The following EPOR variants were observed in gnomAD, a reference collection of about 807,000 sequenced individuals.
EPOR encodes erythropoietin receptor.
A neutral mutation model predicts 34.3 loss-of-function variants in EPOR; 20 were observed. The observed-to-expected ratio is 0.58, with a 90% CI of 0.41 to 0.85. EPOR has a LOEUF of 0.85. Ranked by LOEUF, EPOR falls within the 40% of genes least tolerant of loss-of-function variation. EPOR has a pLI of 0.00. For synonymous variants in EPOR, 312 were observed against 299.0 expected, an observed-to-expected ratio of 1.04 and a Z score of -0.45; for missense variants, 601 against 672.7, an observed-to-expected ratio of 0.89 and a Z score of 1.18.
rs758694779 is a variant in EPOR, at chr19:11,383,243, G to C, written c.116-11C>G. 3 of 1,586,536 alleles carry C rather than the reference G, an allele frequency of 1.9e-6. No individual in the cohort carries two copies. The East Asian group carries it at 6.7e-5, about 36-fold the overall frequency. On this transcript the variant is annotated splice_polypyrimidine_tract_variant and intron_variant, in intron 1 of 7. Coordinates refer to ENST00000222139, the MANE Select transcript of EPOR (RefSeq NM_000121.4). This position sits in a 1 kb window ranked among gnomAD's most constrained non-coding sequence, Gnocchi z 4.9. ...CCGCCAGCAAGGCCGCTGGGGAGGG[G>C]CGACAAAGGAAGGGCATGGGGGTCT...
Position 11,381,782 on chromosome 19 carries a change from G to T in EPOR, c.495C>A (p.Arg165=). The part of the protein sequence containing the change: ...LADESGHVVL[R]WLPPPETPMT... ...TGGGTGTCTCAGGCGGCGGGAGCCA[G>T]CGCAACACTACGTGGCCGCTCTCGT... Residue 165 remains arginine, a synonymous_variant, in exon 4 of 8, where the codon CGC becomes CGA. Coordinates refer to ENST00000222139, the MANE Select transcript of EPOR (RefSeq NM_000121.4). The surrounding 1 kb of genome is among the most constrained non-coding windows in gnomAD (Gnocchi z 5.3). 6.2e-7 allele frequency: 1 copy of T among 1,613,628 alleles called. No homozygotes were observed. The highest frequency in any genetic ancestry group is 8.5e-7 in the Non-Finnish European group (1 of 1,179,816).
Position 11,382,120 on chromosome 19 carries a change from A to G in EPOR, c.252-15T>C, listed in dbSNP as rs1968371192. 1 of 1,611,132 alleles carries G rather than the reference A, an allele frequency of 6.2e-7. No homozygotes were observed. Among genetic ancestry groups the G allele is most frequent in the Admixed American group, 1.7e-5 (1 of 59,904 alleles). Reference sequence around the variant, plus strand: ...ATGGCTCATCCCTATGCGCCCAGGGAAGGGAGCAGGTTGGGAGGGGGGACC... The same window carrying G: ...ATGGCTCATCCCTATGCGCCCAGGGGAGGGAGCAGGTTGGGAGGGGGGACC... On this transcript the variant is annotated splice_polypyrimidine_tract_variant and intron_variant, in intron 2 of 7. Coordinates refer to ENST00000222139, the MANE Select transcript of EPOR (RefSeq NM_000121.4).
Position 11,382,072 on chromosome 19 carries a change from C to T in EPOR, c.285G>A (p.Gln95=), listed in dbSNP as rs1178161521. The T allele has an allele frequency of 1.9e-6, 3 of 1,613,962 alleles. No homozygotes were observed. Among genetic ancestry groups the T allele is most frequent in the African/African-American group, 2.7e-5 (2 of 74,940 alleles). ...DEPWKLCRLH[Q]APTARGAVRF... ...GCACCGCACCACGAGCCGTGGGAGC[C>T]TGGTGCAGGCGACACAGCTTCCATG... The change falls in exon 3 of 8, where the codon CAG becomes CAA. Residue 95 remains glutamine (Q), a synonymous_variant. Coordinates refer to ENST00000222139, the MANE Select transcript of EPOR (RefSeq NM_000121.4).
rs955624610 is a variant in EPOR at position 11,381,836 on chromosome 19, G to A, written c.441C>T (p.Ala147=). 22 of 1,613,954 alleles carry A rather than the reference G, an allele frequency of 1.4e-5. No individual in the cohort carries two copies. The highest frequency in any genetic ancestry group is 1.8e-5 in the Non-Finnish European group (21 of 1,179,970). ...CCAACCGCGCCACCAGCCCCACGGG[G>A]GCGTCTAGGAGCACTGCAGGCATGG... is the stretch of plus-strand genomic sequence containing the variant. ...IHINEVVLLD[A]PVGLVARLAD... Residue 147 remains alanine (A), a synonymous_variant, in exon 4 of 8, where the codon GCC becomes GCT. Transcript: ENST00000222139. This position sits in a 1 kb window ranked among gnomAD's most constrained non-coding sequence, Gnocchi z 5.3.
chr19:11,381,183 C>T lies in EPOR; in HGVS notation c.612G>A (p.Glu204=), dbSNP rs1968351567. The change falls in exon 5 of 8, where the codon GAG becomes GAA. Residue 204 remains glutamate (E), a synonymous_variant. Transcript: ENST00000222139. This position sits in a 1 kb window ranked among gnomAD's most constrained non-coding sequence, Gnocchi z 5.3. ...GGCCCCGCAGGTTGCTCAGCACACA[C>T]TCGGTGCGGCCCTCCAGGATCTCCA... ...QRVEILEGRT[E]CVLSNLRGRT... The T allele has an allele frequency of 6.4e-7, 1 of 1,550,438 alleles. No homozygotes were observed.
Position 11,381,495 on chromosome 19 carries a change from T to A in EPOR, c.585+197A>T, listed in dbSNP as rs533281275. ...GGTTACGGGCCGGAGGGAGAAGAAG[T>A]TGGGGTTCAACAGGCTTGCGAGGAC... On this transcript the variant is annotated intron_variant, in intron 4 of 7. Coordinates refer to ENST00000222139, the MANE Select transcript of EPOR (RefSeq NM_000121.4). The surrounding 1 kb of genome is among the most constrained non-coding windows in gnomAD (Gnocchi z 5.3). 1.6e-3 allele frequency among the ~76,000 whole-genome samples: 247 copies of A among 151,346 alleles called. No individual in the cohort carries two copies. The highest frequency in any genetic ancestry group is 3.4e-3 in the Middle Eastern group (1 of 292).
In EPOR at chr19:11,381,200, G is replaced by A. The variant is rs369327794; in HGVS notation, c.595C>T (p.Leu199=). ...AGCACACACTCGGTGCGGCCCTCCA[G>A]GATCTCCACCTGGGGGCGGAATCAG... ...GAGSVQRVEI[L]EGRTECVLSN... Residue 199 remains leucine (L), a synonymous_variant, in exon 5 of 8, where the codon CTG becomes TTG. Coordinates refer to ENST00000222139, the MANE Select transcript of EPOR (RefSeq NM_000121.4). The surrounding 1 kb of genome is among the most constrained non-coding windows in gnomAD (Gnocchi z 5.3). 90 of 1,549,352 alleles carry A rather than the reference G, an allele frequency of 5.8e-5. No individual in the cohort carries two copies. The highest frequency in any genetic ancestry group is 4.9e-4 in the East Asian group (20 of 40,960).
Position 11,378,222 on chromosome 19 carries a change from T to A in EPOR, c.1289A>T (p.Asp430Val), listed in dbSNP as rs752527298. Residue 430 changes from aspartate (D) to valine (V), a missense_variant, in exon 8 of 8, where the codon GAC (aspartate) becomes GTC (valine). By Grantham distance (152) the Asp-to-Val change is radical. Transcript: ENST00000222139. This position sits in a 1 kb window ranked among gnomAD's most constrained non-coding sequence, Gnocchi z 5.3. ...TGGACGCAAGAGCTGGGAGCTGGGG[T>A]CCAGGATAGTGTACTCAAAGCTGGC... ...SAASFEYTIL[D>V]PSSQLLRPWT... The A allele has an allele frequency of 3.7e-6, 6 of 1,613,794 alleles. No homozygotes were observed. In the South Asian group the frequency reaches 5.5e-5, roughly 15 times the overall value.
chr19:11,381,924 A>C lies in EPOR; in HGVS notation c.427+6T>G, dbSNP rs1968367309. 1 of 1,614,102 alleles carries C rather than the reference A, an allele frequency of 6.2e-7. No homozygotes were observed. Among genetic ancestry groups the C allele is most frequent in the African/African-American group, 1.3e-5 (1 of 74,942 alleles). The stretch of plus-strand genomic sequence containing the variant: ...CCGACCACTCCTCCATTCCCAGAGC[A>C]CTTACCTACTTCATTGATGTGGATG... On this transcript the variant is annotated splice_donor_region_variant and intron_variant, in intron 3 of 7. Transcript: ENST00000222139. This position sits in a 1 kb window ranked among gnomAD's most constrained non-coding sequence, Gnocchi z 5.3.
Position 11,381,988 on chromosome 19 carries a change from G to A in EPOR, c.369C>T (p.Arg123=). 1 of 1,614,224 alleles carries A rather than the reference G, an allele frequency of 6.2e-7. No individual in the cohort carries two copies. The highest frequency in any genetic ancestry group is 8.5e-7 in the Non-Finnish European group (1 of 1,180,030). Residue 123 remains arginine, a synonymous_variant, in exon 3 of 8, where the codon CGC becomes CGT. Coordinates refer to ENST00000222139, the MANE Select transcript of EPOR (RefSeq NM_000121.4). The surrounding 1 kb of genome is among the most constrained non-coding windows in gnomAD (Gnocchi z 5.3). ...GCGGAGCGCCGGAGGCTGCTGTGACGCGCAACTCTAGGGGCACGAAGCTCG... is the reference window on the plus strand; with the variant it reads ...GCGGAGCGCCGGAGGCTGCTGTGACACGCAACTCTAGGGGCACGAAGCTCG... ...DTSSFVPLEL[R]VTAASGAPRY... is the part of the protein sequence containing the mutation.
At chr19:11,380,660 G>T (rs768253878) in intron 6 of EPOR, among the ~76,000 whole-genome samples, 29 of 152,238 alleles carry the variant, frequency 1.9e-4, no homozygotes, top group Admixed American at 4.6e-4. Context: ...AGAAATGGCA[G>T]CCCCTGATGT....
rs1227367993 is a variant in EPOR at position 11,383,342 on chromosome 19, C to A, written c.116-110G>T. On this transcript the variant is annotated intron_variant, in intron 1 of 7. Transcript: ENST00000222139. This position sits in a 1 kb window ranked among gnomAD's most constrained non-coding sequence, Gnocchi z 4.9. ...GGGCGGACCCGATAAGAAAAAAGCC[C>A]CGCCCTGCCATCTTCCCAAGCGGGT... 1 of 1,132,134 alleles carries A rather than the reference C, an allele frequency of 8.8e-7. No homozygotes were observed. Among genetic ancestry groups the A allele is most frequent in the East Asian group, 2.5e-5 (1 of 39,258 alleles). 70.1% of individuals were successfully genotyped at this position (1,132,134 alleles called of 1,614,324 possible). A position where few individuals can be genotyped will look rare whatever the true frequency, so the allele number is the denominator to read the frequency against.
Position 11,383,051 on chromosome 19 carries a change from C to A in EPOR, c.251+46G>T. On this transcript the variant is annotated intron_variant, in intron 2 of 7. Transcript: ENST00000222139. This position sits in a 1 kb window ranked among gnomAD's most constrained non-coding sequence, Gnocchi z 4.9. ...CTACGACCTCCAGGGAGCTCTGCCC[C>A]ACCCCCTCCCTCCGCCCTTGGAGGC... 1 of 1,611,896 alleles carries A rather than the reference C, an allele frequency of 6.2e-7. No individual in the cohort carries two copies. The highest frequency in any genetic ancestry group is 1.1e-5 in the South Asian group (1 of 91,068).
chr19:11,381,796 G>A lies in EPOR; in HGVS notation c.481C>T (p.His161Tyr). 1 of 1,613,740 alleles carries A rather than the reference G, an allele frequency of 6.2e-7. No individual in the cohort carries two copies. Among genetic ancestry groups the A allele is most frequent in the Middle Eastern group, 1.6e-4 (1 of 6,062 alleles). Residue 161 changes from histidine to tyrosine, a missense_variant, in exon 4 of 8, where the codon CAC becomes TAC. Coordinates refer to ENST00000222139, the MANE Select transcript of EPOR (RefSeq NM_000121.4). The surrounding 1 kb of genome is among the most constrained non-coding windows in gnomAD (Gnocchi z 5.3). ...LVARLADESGHVVLRWLPPPE... is the reference protein window; with the variant it reads ...LVARLADESGYVVLRWLPPPE... ...GGCGGGAGCCAGCGCAACACTACGT[G>A]GCCGCTCTCGTCAGCCAACCGCGCC... is the stretch of plus-strand genomic sequence containing the variant.
In EPOR at chr19:11,380,948, G is replaced by C. The variant is rs772459030; in HGVS notation, c.763C>G (p.Leu255Val). The change falls in exon 6 of 8, where the codon CTC becomes GTC. Residue 255 changes from leucine to valine, a missense_variant. Coordinates refer to ENST00000222139, the MANE Select transcript of EPOR (RefSeq NM_000121.4). ...PSDLDPLILT[L>V]SLILVVILVL... ...AGGATGACCACGAGGATGAGGGAGAGCGTCAGGATGAGGGGGTCCAGGTCT... is the reference window on the plus strand; with the variant it reads ...AGGATGACCACGAGGATGAGGGAGACCGTCAGGATGAGGGGGTCCAGGTCT... 1.3e-5 allele frequency: 20 copies of C among 1,552,408 alleles called. No homozygotes were observed. Among genetic ancestry groups the C allele is most frequent in the Non-Finnish European group, 1.7e-5 (20 of 1,147,264 alleles).
rs1968359049 is a variant in EPOR at position 11,381,559 on chromosome 19, T to C, written c.585+133A>G. 5.2e-6 allele frequency: 5 copies of C among 965,748 alleles called. No homozygotes were observed. The East Asian group carries it at 1.1e-4, about 20-fold the overall frequency. The allele number at this position is 965,748 out of a possible 1,614,324, so 59.8% of individuals were successfully genotyped here. ...GTGTGTCTGTGGGCGTGGAACGGTC[T>C]TCAGCACCAGGGTAATGGGATGTGG... On this transcript the variant is annotated intron_variant, in intron 4 of 7. Transcript: ENST00000222139. The surrounding 1 kb of genome is among the most constrained non-coding windows in gnomAD (Gnocchi z 5.3).
Position 11,378,140 on chromosome 19 carries a change from A to C in EPOR, c.1371T>G (p.Leu457=). The C allele has an allele frequency of 6.2e-7, 1 of 1,614,074 alleles. No individual in the cohort carries two copies. Residue 457 remains leucine (L), a synonymous_variant, in exon 8 of 8, where the codon CTT becomes CTG. Coordinates refer to ENST00000222139, the MANE Select transcript of EPOR (RefSeq NM_000121.4). The surrounding 1 kb of genome is among the most constrained non-coding windows in gnomAD (Gnocchi z 5.3). ...TTGAGATGCCAGAGTCAGATACCAC[A>C]AGGTACAGGTACTTTAGGTGGGGTG... ...PTPPHLKYLY[L]VVSDSGISTD...
chr19:11,379,149 G>T (rs1010150697), intron 6 of EPOR, among the ~76,000 whole-genome samples: 2 of 151,888 alleles, frequency 1.3e-5, no homozygotes, highest in Admixed American at 1.3e-4. Flanking sequence ...AACATAGTGA[G>T]ACCCCCATCT....
Position 11,381,396 on chromosome 19 carries a change from G to T in EPOR, c.586-187C>A, listed in dbSNP as rs1241579357. 2 of 721,810 alleles carry T rather than the reference G, an allele frequency of 2.8e-6. No individual in the cohort carries two copies. Among genetic ancestry groups the T allele is most frequent in the Non-Finnish European group, 4.6e-6 (2 of 436,448 alleles). The allele number at this position is 721,810 out of a possible 1,614,324, so 44.7% of individuals were successfully genotyped here. A position where few individuals can be genotyped will look rare whatever the true frequency, so the allele number is the denominator to read the frequency against. On this transcript the variant is annotated intron_variant, in intron 4 of 7. Transcript: ENST00000222139. The surrounding 1 kb of genome is among the most constrained non-coding windows in gnomAD (Gnocchi z 5.3). ...CAATCAGAGAGAGAGTCTCTGGTAC[G>T]AAAGGGCGGGACCCGGGCAATTTAA...
Sources: gnomAD v4.1 joint callset for allele counts (sites outside exome capture counted in the v4.1 genomes callset) on GRCh38, gnomAD v4.1.1 for gene constraint, Gnocchi (gnomAD v3.1) non-coding constraint, MANE v1.5 for transcripts, NCBI Gene and HGNC (gene_info 2026-07-23, HGNC 2026-07-21) for gene names.